DSE: variants seen among roughly 807,000 people sequenced by gnomAD.
The protein encoded by DSE is dermatan-sulfate epimerase.
A neutral mutation model predicts 84.4 loss-of-function variants in DSE; 36 were observed. The ratio of observed to expected loss-of-function variants is 0.43; its 90% confidence interval spans 0.33 to 0.56. DSE has a LOEUF of 0.56. DSE is among the 20% of genes least tolerant of loss of function. DSE has a pLI of 0.06. For synonymous variants in DSE, 410 were observed against 430.1 expected, an observed-to-expected ratio of 0.95 and a Z score of 0.58; for missense variants, 862 against 1,169.6, an observed-to-expected ratio of 0.74 and a Z score of 3.84.
At chr6:116,363,901 C>T (rs1779035489) in intron 2 of DSE, among the ~76,000 whole-genome samples, 1 of 152,180 alleles carries the variant, frequency 6.6e-6, no homozygotes, top group Non-Finnish European at 1.5e-5. Flanking sequence ...GAAATATGCA[C>T]TTCCCAAAAG....
chr6:116,385,707 G>A (rs1247986794), intron 1 of DSE, among the ~76,000 whole-genome samples: 1 of 151,858 alleles, frequency 6.6e-6, no homozygotes, highest in Non-Finnish European at 1.5e-5. Context: ...CATTTGAAAA[G>A]TATGCTGGGA....
intron 2 of DSE, among the ~76,000 whole-genome samples, chr6:116,289,691 T>G (rs1396350611): frequency 1.3e-5 from 2 of 152,078 alleles, no homozygotes; most frequent in Non-Finnish European, 2.9e-5. Flanking sequence ...ACAAAATTCA[T>G]CAAGGTCATT....
chr6:116,276,858 T>C (rs1194330164), intron 2 of DSE: 8 of 152,236 alleles, frequency 5.3e-5, no homozygotes, highest in Non-Finnish European at 1.5e-5. Context: ...TATCACTTAC[T>C]AAGTTGTTAC....
intron 2 of DSE, among the ~76,000 whole-genome samples, chr6:116,289,049 A>G (rs2474105): frequency 0.019 from 2,840 of 152,152 alleles, 96 homozygotes; most frequent in African/African-American, 0.065. Context: ...TATAAAACTT[A>G]CATATTTAAA....
At chr6:116,311,714 G>C (rs1472866785) in intron 2 of DSE, among the ~76,000 whole-genome samples, 3 of 152,198 alleles carry the variant, frequency 2.0e-5, no homozygotes, top group East Asian at 1.9e-4. Flanking sequence ...GATTCCTTGT[G>C]TATGGAATGC....
intron 1 of DSE, among the ~76,000 whole-genome samples, chr6:116,373,505 C>T (rs887630578): frequency 1.3e-5 from 2 of 152,198 alleles, no homozygotes; most frequent in Non-Finnish European, 2.9e-5. Context: ...CTGGGTGAGA[C>T]ATCAACTAGG....
chr6:116,417,737 C>G (rs1161792375), intron 2 of DSE, among the ~76,000 whole-genome samples: 2 of 152,132 alleles, frequency 1.3e-5, no homozygotes, highest in African/African-American at 4.8e-5. Context: ...AGTTCCCATT[C>G]TGTCATACCG....
At chr6:116,310,908 A>G (rs997259595) in intron 2 of DSE, among the ~76,000 whole-genome samples, 1 of 152,226 alleles carries the variant, frequency 6.6e-6, no homozygotes, top group Non-Finnish European at 1.5e-5. Context: ...GTGTGGCCAC[A>G]GGGTCTCTGG....
intron 2 of DSE, among the ~76,000 whole-genome samples, chr6:116,345,442 C>G (rs1370345241): frequency 6.6e-6 from 1 of 152,132 alleles, no homozygotes; most frequent in African/African-American, 2.4e-5. Context: ...TGCAATCAAA[C>G]TAGAACTCAG....
chr6:116,398,611 T>C (rs1781397851), intron 1 of DSE, among the ~76,000 whole-genome samples: 1 of 152,208 alleles, frequency 6.6e-6, no homozygotes. Flanking sequence ...GATGTTTACA[T>C]GGCCTTTGTC....
chr6:116,318,612 T>A (rs1411947208), intron 2 of DSE, among the ~76,000 whole-genome samples: 1 of 152,238 alleles, frequency 6.6e-6, no homozygotes, highest in Non-Finnish European at 1.5e-5. Flanking sequence ...TACAACTATC[T>A]GACTGATATC....
chr6:116,299,618 A>G (rs1774916934), intron 2 of DSE, among the ~76,000 whole-genome samples: 1 of 138,956 alleles, frequency 7.2e-6, no homozygotes, highest in African/African-American at 2.6e-5. Context: ...GTATGTATGT[A>G]GGTAGGTAGG....
intron 2 of DSE, among the ~76,000 whole-genome samples, chr6:116,350,463 T>C (rs1778242019): frequency 6.6e-6 from 1 of 152,198 alleles, no homozygotes; most frequent in Non-Finnish European, 1.5e-5. Flanking sequence ...GAATTCTGGG[T>C]AACCCAAACT....
chr6:116,273,450 A>G (rs142214588), intron 2 of DSE, among the ~76,000 whole-genome samples: 1 of 152,328 alleles, frequency 6.6e-6, no homozygotes, highest in East Asian at 1.9e-4. Context: ...TAACATGGAG[A>G]AAGTACTGCT....
chr6:116,283,920 G>A (rs969108547), intron 2 of DSE, among the ~76,000 whole-genome samples: 2 of 152,132 alleles, frequency 1.3e-5, no homozygotes, highest in Non-Finnish European at 2.9e-5. Flanking sequence ...AAACAACAGT[G>A]TATCTGTACT....
At chr6:116,330,962 TGTTA>T (rs1441414961) in intron 2 of DSE, among the ~76,000 whole-genome samples, 1 of 152,196 alleles carries the variant, frequency 6.6e-6, no homozygotes, top group African/African-American at 2.4e-5. Context: ...AATTATGCAA[TGTTA>T]GTTTAATATT....
intron 2 of DSE, among the ~76,000 whole-genome samples, chr6:116,298,447 A>G (rs900995509): frequency 6.6e-6 from 1 of 152,210 alleles, no homozygotes. Context: ...GAAGAACTCA[A>G]CCAGCCATTG....
At chr6:116,269,483 A>G (rs1223774436) in intron 2 of DSE, among the ~76,000 whole-genome samples, 1 of 152,208 alleles carries the variant, frequency 6.6e-6, no homozygotes, top group African/African-American at 2.4e-5. Context: ...TCCATGTAAA[A>G]TAAGTGAAAG....
chr6:116,407,141 G>T (rs183058065), intron 2 of DSE, among the ~76,000 whole-genome samples: 21 of 152,192 alleles, frequency 1.4e-4, no homozygotes, highest in Non-Finnish European at 1.0e-4. Context: ...CCTGGGTTTC[G>T]CCCAGACTCA....
Sources: allele counts gnomAD v4.1 joint callset (sites outside exome capture counted in the v4.1 genomes callset), GRCh38; gene constraint gnomAD v4.1.1; transcripts MANE v1.5; gene names NCBI Gene and HGNC (gene_info 2026-07-23, HGNC 2026-07-21).